Variants in ERBB4 observed in about 807,000 individuals in gnomAD.
ERBB4 encodes the protein erb-b2 receptor tyrosine kinase 4, also known as receptor tyrosine-protein kinase erbB-4.
Under a neutral mutation model 158.0 loss-of-function variants are expected in ERBB4, and 42 were observed. That is an observed-to-expected ratio of 0.27 (90% CI 0.21 to 0.34). ERBB4 has a LOEUF of 0.34. Among genes scored for constraint, ERBB4 ranks in the 10% least tolerant of loss-of-function variants. ERBB4 has a pLI of 1.00. For synonymous variants in ERBB4, 583 were observed against 558.7 expected (o/e 1.04, Z -0.61); for missense variants, 1,333 against 1,624.1 (o/e 0.82, Z 3.08).
chr2:211,658,098 C>T, intron 15 of ERBB4: 1 of 803,884 alleles, frequency 1.2e-6, no homozygotes, highest in Non-Finnish European at 1.9e-6. Context: ...AACTATTAGA[C>T]TATTTTGGAA....
At chr2:211,455,948 A>G (rs2064370684) in intron 20 of ERBB4, among the ~76,000 whole-genome samples, 1 of 152,160 alleles carries the variant, frequency 6.6e-6, no homozygotes, top group South Asian at 2.1e-4. Context: ...CACAGCGTAA[A>G]GTTTCCACTT....
chr2:211,962,852 C>A (rs1575442409), intron 2 of ERBB4, among the ~76,000 whole-genome samples: 3 of 152,178 alleles, frequency 2.0e-5, no homozygotes, highest in African/African-American at 2.4e-5. Context: ...TTTAAAAAAA[C>A]CAGTATAAGG....
intron 1 of ERBB4, among the ~76,000 whole-genome samples, chr2:212,236,327 T>C (rs537130121): frequency 7.2e-5 from 11 of 152,286 alleles, no homozygotes; most frequent in African/African-American, 2.4e-4. Flanking sequence ...AACTTGATTG[T>C]GGTGGATAAG....
rs2125411988 is a variant in ERBB4, at chr2:211,424,230, C to T, written c.2791G>A (p.Asp931Asn). 9 of 1,613,270 alleles carry T rather than the reference C, an allele frequency of 5.6e-6. No homozygotes were observed. Among genetic ancestry groups the T allele is most frequent in the Non-Finnish European group, 7.6e-6 (9 of 1,179,466 alleles). The change falls in exon 23 of 28, where the codon GAT (aspartate) becomes AAT (asparagine). Residue 931 changes from aspartate (D) to asparagine (N), a missense_variant. Transcript: ENST00000342788. ...AAACGTTCTCCTTTCTCTAATAAAT[C>T]AGGGATTTCTCGCGTTGGAATTCCA... ...YDGIPTREIP[D>N]LLEKGERLPQ...
At chr2:211,436,772 T>C (rs1032899322) in intron 20 of ERBB4, among the ~76,000 whole-genome samples, 1 of 152,188 alleles carries the variant, frequency 6.6e-6, no homozygotes, top group African/African-American at 2.4e-5. Context: ...TGAATACAAT[T>C]TCAGAATTAT....
At chr2:211,774,245 G>C (rs566860686) in intron 4 of ERBB4, among the ~76,000 whole-genome samples, 1 of 151,782 alleles carries the variant, frequency 6.6e-6, no homozygotes, top group Non-Finnish European at 1.5e-5. Context: ...ACTAATTTTC[G>C]TATTTTTGTA....
chr2:211,956,217 G>T (rs2081025571), intron 2 of ERBB4, among the ~76,000 whole-genome samples: 1 of 151,968 alleles, frequency 6.6e-6, no homozygotes, highest in Admixed American at 6.6e-5. Context: ...ATGACTTGGG[G>T]AATTGACTTT....
intron 16 of ERBB4, among the ~76,000 whole-genome samples, chr2:211,649,312 A>G (rs1182186414): frequency 6.6e-6 from 1 of 151,880 alleles, no homozygotes; most frequent in African/African-American, 2.4e-5. Context: ...TAAATATTCA[A>G]TGTCACAGTG....
At chr2:211,878,660 T>TTTG (rs1553653663) in intron 3 of ERBB4, among the ~76,000 whole-genome samples, 3 of 144,704 alleles carry the variant, frequency 2.1e-5, no homozygotes, top group African/African-American at 5.4e-5. Flanking sequence ...AAGTTTTGTT[T>TTTG]TTTTTTTTTT....
intron 2 of ERBB4, among the ~76,000 whole-genome samples, chr2:212,073,896 G>A (rs2078200218): frequency 6.6e-6 from 1 of 151,960 alleles, no homozygotes; most frequent in African/African-American, 2.4e-5. Context: ...ACATTACTTT[G>A]ACAAGGTAAG....
intron 3 of ERBB4, among the ~76,000 whole-genome samples, chr2:211,877,156 A>C (rs1489215316): frequency 6.6e-6 from 1 of 152,216 alleles, no homozygotes; most frequent in African/African-American, 2.4e-5. Context: ...AGTACATTTA[A>C]GAAAAGGTAT....
chr2:211,740,752 A>T (rs2074765305), intron 5 of ERBB4, among the ~76,000 whole-genome samples: 1 of 148,292 alleles, frequency 6.7e-6, no homozygotes, highest in Admixed American at 6.9e-5. Context: ...CTGGGACTAT[A>T]GGCGCCCGCC....
At chr2:212,531,826 T>A (rs553062002) in intron 1 of ERBB4, among the ~76,000 whole-genome samples, 1 of 152,302 alleles carries the variant, frequency 6.6e-6, no homozygotes, top group African/African-American at 2.4e-5. Flanking sequence ...AGATTCTATG[T>A]CTCCATAGGC....
At chr2:211,954,871 G>T (rs1559179022) in intron 2 of ERBB4, among the ~76,000 whole-genome samples, 1 of 151,960 alleles carries the variant, frequency 6.6e-6, no homozygotes, top group South Asian at 2.1e-4. Context: ...GCATGAAAAA[G>T]TTTACCAGAA....
intron 12 of ERBB4, among the ~76,000 whole-genome samples, chr2:211,693,712 C>A (rs114726485): frequency 6.6e-6 from 1 of 152,122 alleles, no homozygotes; most frequent in Non-Finnish European, 1.5e-5. Context: ...TGTGTTAGTT[C>A]CATAGAAATA....
chr2:212,054,949 G>A (rs750974889), intron 2 of ERBB4, among the ~76,000 whole-genome samples: 2 of 152,178 alleles, frequency 1.3e-5, no homozygotes, highest in African/African-American at 4.8e-5. Context: ...GTAGGACAGT[G>A]GGGGCAGGAC....
At chr2:211,489,283 T>C (rs757882076) in intron 20 of ERBB4, among the ~76,000 whole-genome samples, 3 of 152,048 alleles carry the variant, frequency 2.0e-5, no homozygotes, top group African/African-American at 4.8e-5. Flanking sequence ...ATGATGACTA[T>C]AAAGCAGTAT....
intron 4 of ERBB4, among the ~76,000 whole-genome samples, chr2:211,753,032 G>T (rs2075179390): frequency 6.6e-6 from 1 of 152,178 alleles, no homozygotes; most frequent in Admixed American, 6.5e-5. Flanking sequence ...TTTGGAATCT[G>T]TCCTAGTACT....
intron 19 of ERBB4, among the ~76,000 whole-genome samples, chr2:211,614,843 C>T (rs1030291092): frequency 6.6e-6 from 1 of 151,998 alleles, no homozygotes; most frequent in African/African-American, 2.4e-5. Flanking sequence ...AAAGACTATT[C>T]ACATGAACAT....
Sources: allele counts gnomAD v4.1 joint callset (sites outside exome capture counted in the v4.1 genomes callset), GRCh38; gene constraint gnomAD v4.1.1; transcripts MANE v1.5; gene names NCBI Gene and HGNC (gene_info 2026-07-23, HGNC 2026-07-21).